JAG2: variants seen among roughly 807,000 people sequenced by gnomAD.
JAG2 encodes the protein jagged canonical Notch ligand 2, also known as protein jagged-2.
JAG2 carries 46 observed loss-of-function variants against 141.7 expected under a neutral mutation model. That is an observed-to-expected ratio of 0.32 (90% CI 0.26 to 0.42). The LOEUF is 0.42. Among genes scored for constraint, JAG2 ranks in the 10% least tolerant of loss-of-function variants. The pLI is 1.00. For missense variants in JAG2, 1,500 were observed against 1,817.5 expected (o/e 0.83, Z 3.18); for synonymous variants, 862 against 763.5 (o/e 1.13, Z -2.13).
In JAG2 at chr14:105,154,778, G is replaced by A. The variant is rs115398019; in HGVS notation, c.788+784C>T. Among the ~76,000 whole-genome samples the A allele has an allele frequency of 8.5e-4, 129 of 151,960 alleles. No homozygotes were observed. Among genetic ancestry groups the A allele is most frequent in the African/African-American group, 3.0e-3 (124 of 41,396 alleles). Reference sequence around the variant, plus strand: ...TGTCTCCAGGGACAGGGCAGGCATCGCCTCTCCACATCCAGCTAACCCCGG... The same window carrying A: ...TGTCTCCAGGGACAGGGCAGGCATCACCTCTCCACATCCAGCTAACCCCGG... On this transcript the variant is annotated intron_variant, in intron 5 of 25. Transcript: ENST00000331782. This position sits in a 1 kb window ranked among gnomAD's most constrained non-coding sequence, Gnocchi z 4.4.
intron 2 of JAG2, among the ~76,000 whole-genome samples, chr14:105,166,346 C>T (rs769099258): frequency 3.1e-4 from 47 of 152,278 alleles, no homozygotes; most frequent in African/African-American, 1.0e-3. Flanking sequence ...TGTGGGGCCA[C>T]GCTGGCTCAG....
intron 2 of JAG2, among the ~76,000 whole-genome samples, chr14:105,161,833 G>T (rs1001908682): frequency 2.0e-5 from 3 of 151,304 alleles, no homozygotes; most frequent in African/African-American, 7.3e-5. Flanking sequence ...CCTCCTCTGC[G>T]AATAGCAACC....
At chr14:105,166,064 C>T (rs774899848) in intron 2 of JAG2, among the ~76,000 whole-genome samples, 2 of 152,210 alleles carry the variant, frequency 1.3e-5, no homozygotes, top group Non-Finnish European at 2.9e-5. Context: ...TGCCCTGGCC[C>T]CCAACCCAGA....
At chr14:105,144,827 G>C (rs1049330603) in intron 24 of JAG2, 103 bp downstream of exon 24, 1 of 1,451,854 alleles carries the variant, frequency 6.9e-7, no homozygotes, top group Admixed American at 1.9e-5. Context: ...CAGTCCTTCC[G>C]CACCAGGACT....
At chr14:105,162,347 C>G (rs1172664224) in intron 2 of JAG2, among the ~76,000 whole-genome samples, 1 of 152,112 alleles carries the variant, frequency 6.6e-6, no homozygotes, top group Non-Finnish European at 1.5e-5. Context: ...TGCCTCCTCC[C>G]CAGCCCGAAC....
At chr14:105,157,654 A>G (rs2140987002) in intron 3 of JAG2, 52 bp downstream of exon 3, 2 of 1,483,024 alleles carry the variant, frequency 1.3e-6, no homozygotes, top group East Asian at 2.5e-5. Context: ...GGGCCCTGCC[A>G]CAGGCACGCT....
At chr14:105,146,235 G>A in intron 22 of JAG2, 150 bp downstream of exon 22, 1 of 815,832 alleles carries the variant, frequency 1.2e-6, no homozygotes. Flanking sequence ...CATGGGGCCT[G>A]GCTGAGCTCT....
chr14:105,148,267 A>G, intron 16 of JAG2, 38 bp from the exon 17 acceptor site: 4 of 1,574,842 alleles, frequency 2.5e-6, no homozygotes, highest in Middle Eastern at 1.7e-4. Context: ...CAGGCCCCAG[A>G]CCGCCAGGGC....
chr14:105,146,502 T>C lies in JAG2; in HGVS notation c.2594-2A>G. 3 of 1,612,348 alleles carry C rather than the reference T, an allele frequency of 1.9e-6. No homozygotes were observed. Among genetic ancestry groups the C allele is most frequent in the Non-Finnish European group, 2.5e-6 (3 of 1,179,592 alleles). ...AGCAGGATCTCCCGAACCCGATCAC[T>C]GTGGGGAGAAGGGGCTCGAGGGTCA... On this transcript the variant is annotated splice_acceptor_variant, in intron 21 of 25. Transcript: ENST00000331782. LOFTEE classifies it high-confidence loss of function.
At position 105,166,011 on chromosome 14, in the gene JAG2, T is replaced by C. The variant is rs587633774; in HGVS notation, c.417+1746A>G. Among the ~76,000 whole-genome samples, 37 of 152,346 alleles carry C rather than the reference T, an allele frequency of 2.4e-4. 1 individual carries two copies. The highest frequency in any genetic ancestry group is 4.6e-4 in the Admixed American group (7 of 15,314). ...GCTCCCGCCCGGCAGCCAGGCCACA[T>C]GGCAGGAGACCAGGGCTGCCCCCAA... On this transcript the variant is annotated intron_variant, in intron 2 of 25. Coordinates refer to ENST00000331782, the MANE Select transcript of JAG2 (RefSeq NM_002226.5).
chr14:105,157,789 G>A (rs1241635586), intron 2 of JAG2, 26 bp from the exon 3 acceptor site: 6 of 1,556,042 alleles, frequency 3.9e-6, no homozygotes, highest in Non-Finnish European at 5.2e-6. Context: ...GGCGGGTCAG[G>A]TACCTGAGGC....
At chr14:105,164,507 G>A (rs972623648) in intron 2 of JAG2, among the ~76,000 whole-genome samples, 4 of 152,224 alleles carry the variant, frequency 2.6e-5, no homozygotes, top group Non-Finnish European at 5.9e-5. Flanking sequence ...CCTGAAGGTA[G>A]GGTGGGGAGG....
intron 19 of JAG2, 41 bp downstream of exon 19, chr14:105,147,459 G>GTCCC (rs1441913625): frequency 6.2e-7 from 1 of 1,608,774 alleles, no homozygotes; most frequent in Non-Finnish European, 8.5e-7. Context: ...GGTATGCCAA[G>GTCCC]TCCCACCCAC....
At chr14:105,148,266 G>C (rs780349853) in intron 16 of JAG2, 37 bp from the exon 17 acceptor site, 2 of 1,576,660 alleles carry the variant, frequency 1.3e-6, no homozygotes, top group Non-Finnish European at 1.7e-6. Context: ...GCAGGCCCCA[G>C]ACCGCCAGGG....
In JAG2 at chr14:105,167,712, G is replaced by A; in HGVS notation, c.417+45C>T. The A allele has an allele frequency of 5.0e-6, 7 of 1,389,358 alleles. No individual in the cohort carries two copies. The highest frequency in any genetic ancestry group is 6.5e-6 in the Non-Finnish European group (7 of 1,070,434). The allele number at this position is 1,389,358 out of a possible 1,614,324, so 86.1% of individuals were successfully genotyped here. ...GCGAAGCGCGCGGGGCCGGGGCGCG[G>A]AGAGAGAGGGAAGGGCTGGAGCACG... is the stretch of plus-strand genomic sequence containing the variant. On this transcript the variant is annotated intron_variant, in intron 2 of 25. Coordinates refer to ENST00000331782, the MANE Select transcript of JAG2 (RefSeq NM_002226.5). This position sits in a 1 kb window ranked among gnomAD's most constrained non-coding sequence, Gnocchi z 4.8.
intron 2 of JAG2, among the ~76,000 whole-genome samples, chr14:105,165,980 G>A (rs974246655): frequency 3.9e-5 from 6 of 152,184 alleles, no homozygotes; most frequent in African/African-American, 1.2e-4. Context: ...CTGGCATCAC[G>A]GCACAGCTCC....
chr14:105,162,262 C>T (rs587607216), intron 2 of JAG2, among the ~76,000 whole-genome samples: 37 of 152,168 alleles, frequency 2.4e-4, no homozygotes, highest in African/African-American at 8.9e-4. Flanking sequence ...CTAAGCCTCT[C>T]CCTACAAGCC....
At position 105,143,129 on chromosome 14, in the gene JAG2, A is replaced by G; in HGVS notation, c.3283T>C (p.Trp1095Arg). The G allele has an allele frequency of 6.3e-7, 1 of 1,599,042 alleles. No individual in the cohort carries two copies. The highest frequency in any genetic ancestry group is 8.5e-7 in the Non-Finnish European group (1 of 1,179,688). ...PVLCGAFSVLWLACVVLCVWW... is the reference protein window; with the variant it reads ...PVLCGAFSVLRLACVVLCVWW... ...ACGCACAGGACCACGCACGCCAGCC[A>G]CAGCACGCTGAAGGCACCACACAGC... Residue 1095 changes from tryptophan to arginine, a missense_variant, in exon 26 of 26, where the codon TGG becomes CGG. This residue lies in a region of JAG2 where 425 missense variants were observed against 441.0 expected (regional missense o/e 0.96). Transcript: ENST00000331782.
intron 24 of JAG2, among the ~76,000 whole-genome samples, chr14:105,143,900 G>A (rs1397394032): frequency 1.3e-5 from 2 of 150,234 alleles, no homozygotes; most frequent in Non-Finnish European, 3.0e-5. Context: ...ACCAGGCAGC[G>A]AGCAGTGGGG....
Sources: gnomAD v4.1 joint callset for allele counts (sites outside exome capture counted in the v4.1 genomes callset) on GRCh38, gnomAD v4.1.1 for gene constraint, gnomAD v4.1.1 regional missense constraint, Gnocchi (gnomAD v3.1) non-coding constraint, MANE v1.5 for transcripts, NCBI Gene and HGNC (gene_info 2026-07-23, HGNC 2026-07-21) for gene names.